Variants in TYW1 observed in about 807,000 individuals in gnomAD.
The protein encoded by TYW1 is S-adenosyl-L-methionine-dependent tRNA 4-demethylwyosine synthase TYW1.
In TYW1, 46 loss-of-function variants were observed where a neutral mutation model predicts 96.2. The observed-to-expected ratio is 0.48, with a 90% confidence interval of 0.38 to 0.61. The LOEUF is 0.61. TYW1 is among the 20% of genes least tolerant of loss of function. The pLI is 0.00. For synonymous variants in TYW1, 274 were observed against 323.0 expected, an observed-to-expected ratio of 0.85 and a Z score of 1.63; for missense variants, 684 against 909.6, an observed-to-expected ratio of 0.75 and a Z score of 3.19.
intron 14 of TYW1, among the ~76,000 whole-genome samples, chr7:67,190,997 A>G (rs1584676374): frequency 6.6e-6 from 1 of 152,204 alleles, no homozygotes; most frequent in African/African-American, 2.4e-5. Context: ...TTGCATCACT[A>G]TAAAGGAATA....
chr7:67,118,878 GA>G (rs60194362), intron 13 of TYW1, among the ~76,000 whole-genome samples: 2,075 of 70,738 alleles, frequency 0.029, 6 homozygotes, highest in East Asian at 0.13. Context: ...ACCCCTATCT[GA>G]AAAAAAAAAA....
intron 14 of TYW1, among the ~76,000 whole-genome samples, chr7:67,190,146 CT>C (rs1217598071): frequency 6.6e-6 from 1 of 152,124 alleles, no homozygotes; most frequent in Non-Finnish European, 1.5e-5. Context: ...AGAACGCACC[CT>C]GCAAAATGAT....
At chr7:67,149,145 A>G (rs1431854198) in intron 13 of TYW1, among the ~76,000 whole-genome samples, 1 of 152,330 alleles carries the variant, frequency 6.6e-6, no homozygotes, top group African/African-American at 2.4e-5. Context: ...TAGCCTGGCT[A>G]TTGCCATTTT....
At chr7:67,043,189 T>A (rs915359232) in intron 7 of TYW1, among the ~76,000 whole-genome samples, 3 of 152,172 alleles carry the variant, frequency 2.0e-5, no homozygotes, top group Non-Finnish European at 2.9e-5. Flanking sequence ...AAGCCTGGAC[T>A]CCATCTGTCT....
chr7:67,059,077 A>G (rs1187654407), intron 9 of TYW1, among the ~76,000 whole-genome samples: 2 of 151,054 alleles, frequency 1.3e-5, no homozygotes, highest in African/African-American at 4.9e-5. Context: ...GTGAGTTAGT[A>G]TAAGTCAATG....
chr7:67,065,817 C>T (rs994607657), intron 9 of TYW1, among the ~76,000 whole-genome samples: 4 of 151,898 alleles, frequency 2.6e-5, no homozygotes, highest in African/African-American at 9.7e-5. Context: ...TCAAGACCAG[C>T]CTGACCAATA....
chr7:67,237,499 C>CAAAAA (rs386410332), intron 15 of TYW1, among the ~76,000 whole-genome samples: 1 of 98,786 alleles, frequency 1.0e-5, no homozygotes. Context: ...GACTCTGTCT[C>CAAAAA]AAAAAAAAAA....
intron 13 of TYW1, among the ~76,000 whole-genome samples, chr7:67,146,447 C>T (rs983408844): frequency 6.8e-5 from 10 of 146,590 alleles, no homozygotes; most frequent in Non-Finnish European, 1.2e-4. Flanking sequence ...AGATAAGGCC[C>T]CTATTTTCTG....
At chr7:67,189,122 T>C (rs1800119924) in intron 14 of TYW1, among the ~76,000 whole-genome samples, 1 of 152,218 alleles carries the variant, frequency 6.6e-6, no homozygotes, top group Non-Finnish European at 1.5e-5. Context: ...ATCTACCCTG[T>C]GTGCAGTTTC....
chr7:67,210,945 ATCTGTCTG>A (rs1159181477), intron 15 of TYW1, among the ~76,000 whole-genome samples: 2 of 148,858 alleles, frequency 1.3e-5, no homozygotes, highest in Non-Finnish European at 3.0e-5. Flanking sequence ...TCCATCCATC[ATCTGTCTG>A]TCTGTCTTTC....
intron 9 of TYW1, among the ~76,000 whole-genome samples, chr7:67,057,430 T>G (rs1795556954): frequency 6.6e-6 from 1 of 151,766 alleles, no homozygotes; most frequent in Non-Finnish European, 1.5e-5. Context: ...AGTGCAGTGG[T>G]GCAATCTTGT....
intron 15 of TYW1, among the ~76,000 whole-genome samples, chr7:67,200,311 C>T (rs919675686): frequency 5.9e-5 from 9 of 152,002 alleles, no homozygotes; most frequent in Non-Finnish European, 1.0e-4. Context: ...TCCGCTTTCA[C>T]GCTGCTGATA....
chr7:67,071,349 G>T (rs62466657), intron 10 of TYW1, among the ~76,000 whole-genome samples: 5,971 of 145,440 alleles, frequency 0.041, 180 homozygotes, highest in Middle Eastern at 0.1. Context: ...ATTTGACAGA[G>T]ATTTCCTTGA....
intron 12 of TYW1, among the ~76,000 whole-genome samples, chr7:67,108,016 A>G (rs758962005): frequency 6.6e-6 from 1 of 151,624 alleles, no homozygotes; most frequent in Non-Finnish European, 1.5e-5. Context: ...ATCTGGGATT[A>G]CAGGCATGCA....
At chr7:67,119,454 C>T (rs575650779) in intron 13 of TYW1, among the ~76,000 whole-genome samples, 12 of 152,266 alleles carry the variant, frequency 7.9e-5, no homozygotes, top group African/African-American at 4.8e-5. Context: ...TCCCTGCTTA[C>T]GTTACCATTT....
chr7:67,033,560 C>T (rs1044843332), intron 7 of TYW1, among the ~76,000 whole-genome samples: 17 of 152,208 alleles, frequency 1.1e-4, no homozygotes, highest in African/African-American at 4.1e-4. Flanking sequence ...AAGCTGACAG[C>T]TCCCTGTAGC....
At chr7:67,042,374 A>G (rs1407100477) in intron 7 of TYW1, among the ~76,000 whole-genome samples, 2 of 152,112 alleles carry the variant, frequency 1.3e-5, no homozygotes, top group African/African-American at 4.8e-5. Flanking sequence ...AATTTGAAGT[A>G]TGAGAGTGGT....
chr7:67,129,463 C>T lies in TYW1; in HGVS notation c.1698+11845C>T, dbSNP rs1383642159. 3.9e-5 allele frequency among the ~76,000 whole-genome samples: 6 copies of T among 152,272 alleles called. No individual in the cohort carries two copies. In the East Asian group the frequency reaches 7.7e-4, roughly 20 times the overall value. ...CTTTGTCAATTACAGTTCAGTTTCC[C>T]TGTGTTAGCGCTGGTCTCTGTGGAG... On this transcript the variant is annotated intron_variant, in intron 13 of 15. Coordinates refer to ENST00000359626, the MANE Select transcript of TYW1 (RefSeq NM_018264.4).
intron 9 of TYW1, among the ~76,000 whole-genome samples, chr7:67,062,992 A>G (rs1795745292): frequency 6.6e-6 from 1 of 152,232 alleles, no homozygotes; most frequent in Admixed American, 6.5e-5. Flanking sequence ...AAGACAATGC[A>G]CTAAAAGAGA....
Sources: allele counts gnomAD v4.1 joint callset (sites outside exome capture counted in the v4.1 genomes callset), GRCh38; gene constraint gnomAD v4.1.1; transcripts MANE v1.5; gene names NCBI Gene and HGNC (gene_info 2026-07-23, HGNC 2026-07-21).